TRAPPC9: variants seen among roughly 807,000 people sequenced by gnomAD.
TRAPPC9 encodes IKK2 binding protein.
Under a neutral mutation model 124.0 loss-of-function variants are expected in TRAPPC9, and 83 were observed. The observed-to-expected ratio is 0.67, with a 90% CI of 0.56 to 0.80. TRAPPC9 has a LOEUF of 0.80. Ranked by LOEUF, TRAPPC9 falls within the 30% of genes least tolerant of loss-of-function variation. The pLI, the probability that TRAPPC9 is intolerant of heterozygous loss-of-function variation, is 0.00. For missense variants in TRAPPC9, 1,302 were observed against 1,508.3 expected (o/e 0.86, Z 2.27); for synonymous variants, 638 against 617.5 (o/e 1.03, Z -0.49).
chr8:139,745,002 G>A (rs752144405), intron 21 of TRAPPC9, among the ~76,000 whole-genome samples: 6 of 152,194 alleles, frequency 3.9e-5, no homozygotes, highest in Admixed American at 6.5e-5. Flanking sequence ...GGGAGACCCC[G>A]GGGATGTGCA....
chr8:139,820,316 G>A (rs772478172), intron 21 of TRAPPC9, among the ~76,000 whole-genome samples: 29 of 152,044 alleles, frequency 1.9e-4, no homozygotes, highest in Non-Finnish European at 1.3e-4. Context: ...GAGTAGCTGC[G>A]ACTACAGGCA....
At chr8:140,343,546 C>T (rs926582683) in intron 9 of TRAPPC9, among the ~76,000 whole-genome samples, 3 of 152,188 alleles carry the variant, frequency 2.0e-5, no homozygotes, top group Non-Finnish European at 4.4e-5. Context: ...GGTGACTCTG[C>T]ACATTTCACT....
intron 7 of TRAPPC9, among the ~76,000 whole-genome samples, chr8:140,373,087 C>T (rs2068329786): frequency 6.6e-6 from 1 of 152,200 alleles, no homozygotes; most frequent in South Asian, 2.1e-4. Context: ...ATTCTGTCAA[C>T]ACATATTTAC....
chr8:140,397,843 C>T, intron 6 of TRAPPC9, 98 bp from the exon 7 acceptor site: 1 of 1,504,390 alleles, frequency 6.6e-7, no homozygotes, highest in Admixed American at 1.7e-5. Context: ...ACTACAACAG[C>T]ACTTCCCCCA....
In TRAPPC9 at chr8:139,758,542, G is replaced by C. The variant is rs148629096; in HGVS notation, c.3056-26340C>G. On this transcript the variant is annotated intron_variant, in intron 21 of 22. Transcript: ENST00000438773. Reference sequence around the variant, plus strand: ...GGGGAGGCCGGGGGCAGGGGATGGGGATGCAGACACAGGGAGGCAAACGGG... The same window carrying C: ...GGGGAGGCCGGGGGCAGGGGATGGGCATGCAGACACAGGGAGGCAAACGGG... Among the ~76,000 whole-genome samples, 734 of 152,292 alleles carry C rather than the reference G, an allele frequency of 4.8e-3. 9 individuals are homozygous for C. Among genetic ancestry groups the C allele is most frequent in the African/African-American group, 0.017 (696 of 41,570 alleles).
At chr8:140,249,402 T>A (rs1739592359) in intron 16 of TRAPPC9, among the ~76,000 whole-genome samples, 1 of 152,202 alleles carries the variant, frequency 6.6e-6, no homozygotes, top group South Asian at 2.1e-4. Flanking sequence ...GGTGTATATG[T>A]ACCACATTTT....
At chr8:140,357,949 T>C (rs113770314) in intron 9 of TRAPPC9, among the ~76,000 whole-genome samples, 129 of 152,214 alleles carry the variant, frequency 8.5e-4, no homozygotes, top group African/African-American at 3.0e-3. Context: ...AGAGATTCAC[T>C]TGGGTCACCA....
Position 139,971,832 on chromosome 8 carries a change from AT to A in TRAPPC9, c.2810+16893del, listed in dbSNP as rs534713772. ...ATATATATATACACACACACACACAATTTTTTTTTTTGAGACAGAGTCTCGC... is the reference window on the plus strand; with the variant it reads ...ATATATATATACACACACACACACAATTTTTTTTTTGAGACAGAGTCTCGC... On this transcript the variant is annotated intron_variant, in intron 19 of 22. Coordinates refer to ENST00000438773, the MANE Select transcript of TRAPPC9 (RefSeq NM_001160372.4). 2.5e-3 allele frequency among the ~76,000 whole-genome samples: 350 copies of A among 139,660 alleles called. 3 individuals carry two copies. Among genetic ancestry groups the A allele is most frequent in the African/African-American group, 8.3e-3 (318 of 38,204 alleles). The allele number at this position is 139,660 out of a possible 152,430, so 91.6% of individuals were successfully genotyped here. A position where few individuals can be genotyped will look rare whatever the true frequency, so the allele number is the denominator to read the frequency against.
At chr8:140,399,334 C>A (rs961457727) in intron 6 of TRAPPC9, among the ~76,000 whole-genome samples, 1 of 152,224 alleles carries the variant, frequency 6.6e-6, no homozygotes, top group Non-Finnish European at 1.5e-5. Context: ...ATGGCAGATC[C>A]ACTGACAGCT....
intron 17 of TRAPPC9, among the ~76,000 whole-genome samples, chr8:140,178,790 T>C (rs1273770849): frequency 6.6e-6 from 1 of 152,200 alleles, no homozygotes; most frequent in Non-Finnish European, 1.5e-5. Flanking sequence ...AACTGACTTT[T>C]ATTAAAGAAA....
chr8:139,832,621 G>A (rs1826065123), intron 21 of TRAPPC9, among the ~76,000 whole-genome samples: 1 of 152,210 alleles, frequency 6.6e-6, no homozygotes, highest in Admixed American at 6.5e-5. Flanking sequence ...TCTGGGGAAA[G>A]GTAAATAAAG....
intron 21 of TRAPPC9, among the ~76,000 whole-genome samples, chr8:139,844,665 G>A (rs1269136322): frequency 6.6e-6 from 1 of 152,222 alleles, no homozygotes; most frequent in African/African-American, 2.4e-5. Flanking sequence ...GCGGGGAGGA[G>A]CTCTGCTGGC....
intron 21 of TRAPPC9, among the ~76,000 whole-genome samples, chr8:139,829,651 AG>A (rs1477598947): frequency 1.3e-5 from 2 of 152,212 alleles, no homozygotes; most frequent in East Asian, 3.8e-4. Flanking sequence ...TCTGGGAGGG[AG>A]GGCCCTTCCA....
At chr8:140,270,566 T>G (rs1588057136) in intron 15 of TRAPPC9, among the ~76,000 whole-genome samples, 2 of 152,194 alleles carry the variant, frequency 1.3e-5, no homozygotes, top group African/African-American at 4.8e-5. Context: ...GCCATCACCA[T>G]ACACAGTGGC....
intron 21 of TRAPPC9, among the ~76,000 whole-genome samples, chr8:139,763,933 A>G (rs1432638697): frequency 2.0e-5 from 3 of 152,126 alleles, no homozygotes; most frequent in Non-Finnish European, 4.4e-5. Flanking sequence ...GAGGACTAGG[A>G]CTCGGGAGGT....
At chr8:140,081,421 C>T (rs939883030) in intron 17 of TRAPPC9, among the ~76,000 whole-genome samples, 2 of 149,854 alleles carry the variant, frequency 1.3e-5, no homozygotes, top group Admixed American at 1.3e-4. Flanking sequence ...TCTCAGCTCA[C>T]TACGACCTCC....
intron 17 of TRAPPC9, among the ~76,000 whole-genome samples, chr8:140,049,907 CA>C (rs1448798517): frequency 6.6e-6 from 1 of 152,234 alleles, no homozygotes. Context: ...AATTCCACCA[CA>C]ACTCAGTCCC....
At chr8:140,005,275 C>G (rs1017696660) in intron 18 of TRAPPC9, among the ~76,000 whole-genome samples, 1 of 152,178 alleles carries the variant, frequency 6.6e-6, no homozygotes, top group South Asian at 2.1e-4. Flanking sequence ...GCAGTGACAC[C>G]AGGGACTCTG....
chr8:140,447,310 A>G (rs1487245175), intron 2 of TRAPPC9, among the ~76,000 whole-genome samples: 2 of 152,220 alleles, frequency 1.3e-5, no homozygotes, highest in African/African-American at 4.8e-5. Flanking sequence ...AAAAAAATGA[A>G]AAGACTATCC....
Sources: gnomAD v4.1 joint callset for allele counts (sites outside exome capture counted in the v4.1 genomes callset) on GRCh38, gnomAD v4.1.1 for gene constraint, MANE v1.5 for transcripts, NCBI Gene and HGNC (gene_info 2026-07-23, HGNC 2026-07-21) for gene names.